RABEPK: variants seen among roughly 807,000 people sequenced by gnomAD.
RABEPK encodes Rab9 effector protein with kelch motifs, also known as 40 kDa Rab9 effector protein.
In RABEPK, 27 loss-of-function variants were observed where a neutral mutation model predicts 34.1. That is an observed-to-expected ratio of 0.79 (90% CI 0.58 to 1.09). The LOEUF is 1.09. Among genes scored for constraint, RABEPK ranks in the 50% least tolerant of loss-of-function variants. The pLI is 0.00. For synonymous variants in RABEPK, 172 were observed against 169.2 expected (o/e 1.02, Z -0.13); for missense variants, 449 against 462.6 (o/e 0.97, Z 0.27).
chr9:125,229,261 A>C (rs546769293), intron 6 of RABEPK, among the ~76,000 whole-genome samples: 1 of 150,748 alleles, frequency 6.6e-6, no homozygotes, highest in Non-Finnish European at 1.5e-5. Context: ...CTCCAAAAAA[A>C]AAAGAAAAAA....
intron 3 of RABEPK, among the ~76,000 whole-genome samples, chr9:125,210,451 G>A (rs1830513663): frequency 6.8e-6 from 1 of 147,286 alleles, no homozygotes; most frequent in Non-Finnish European, 1.5e-5. Context: ...TGGGCGTGGT[G>A]ACTCACGCCT....
At chr9:125,220,351 C>T in intron 4 of RABEPK, 188 bp from the exon 5 acceptor site, 1 of 1,447,064 alleles carries the variant, frequency 6.9e-7, no homozygotes, top group South Asian at 1.6e-5. Flanking sequence ...GGATTTTGGA[C>T]TGTCTTGGCA....
chr9:125,216,681 G>A (rs891782199), intron 4 of RABEPK, among the ~76,000 whole-genome samples: 7 of 152,130 alleles, frequency 4.6e-5, no homozygotes, highest in Admixed American at 1.3e-4. Context: ...AAGTAGACAC[G>A]GCCGGGCATG....
intron 4 of RABEPK, among the ~76,000 whole-genome samples, chr9:125,216,916 G>A (rs1327665923): frequency 3.3e-5 from 5 of 150,564 alleles, no homozygotes; most frequent in Non-Finnish European, 4.4e-5. Context: ...GCAGTGAGCC[G>A]AGATCGCGCC....
chr9:125,232,878 C>A, intron 7 of RABEPK, 133 bp downstream of exon 7: 1 of 833,974 alleles, frequency 1.2e-6, no homozygotes, highest in African/African-American at 1.8e-5. Context: ...GAGATCGAGA[C>A]CATCCTGACC....
At chr9:125,211,896 G>A (rs539343169) in intron 3 of RABEPK, among the ~76,000 whole-genome samples, 1 of 152,188 alleles carries the variant, frequency 6.6e-6, no homozygotes, top group East Asian at 1.9e-4. Context: ...TTGAACCTGG[G>A]AGGCAGAGGT....
At chr9:125,220,188 TG>T in intron 4 of RABEPK, 1 of 636,536 alleles carries the variant, frequency 1.6e-6, no homozygotes, top group Non-Finnish European at 2.3e-6. Context: ...TTAGTAGAGA[TG>T]GGGTTTTACC....
intron 5 of RABEPK, among the ~76,000 whole-genome samples, chr9:125,225,305 A>G (rs1320776075): frequency 6.6e-6 from 1 of 152,084 alleles, no homozygotes; most frequent in African/African-American, 2.4e-5. Flanking sequence ...GAATTGCTTG[A>G]ACCTGCGAGG....
At chr9:125,207,480 T>G in intron 2 of RABEPK, 84 bp from the exon 3 acceptor site, 1 of 1,424,724 alleles carries the variant, frequency 7.0e-7, no homozygotes, top group Non-Finnish European at 9.8e-7. Context: ...TTCATTCTGG[T>G]GAATATTTCA....
At chr9:125,227,829 G>A in intron 5 of RABEPK, 81 bp from the exon 6 acceptor site, 1 of 1,363,496 alleles carries the variant, frequency 7.3e-7, no homozygotes, top group Non-Finnish European at 9.8e-7. Context: ...TTGCTAGGAG[G>A]TGCTACAGAG....
rs1353152793 is a variant in RABEPK, at chr9:125,213,546, T to A, written c.364+24T>A. On this transcript the variant is annotated intron_variant, in intron 4 of 7. Coordinates refer to ENST00000373538, the MANE Select transcript of RABEPK (RefSeq NM_005833.4). ...TGGTAAGTAGCCAAAGGTTATTTTA[T>A]TTACGTACATACAAATAAACTTTCA... 6 of 1,598,660 alleles carry A rather than the reference T, an allele frequency of 3.8e-6. No homozygotes were observed. The African/African-American group carries it at 6.7e-5, about 18-fold the overall frequency.
At chr9:125,202,041 T>C (rs1388665170) in intron 1 of RABEPK, among the ~76,000 whole-genome samples, 1 of 147,356 alleles carries the variant, frequency 6.8e-6, no homozygotes, top group Non-Finnish European at 1.5e-5. Flanking sequence ...TGAAACCCCA[T>C]CCCTACGAAA....
intron 6 of RABEPK, among the ~76,000 whole-genome samples, chr9:125,228,645 C>CA (rs1831946161): frequency 7.3e-6 from 1 of 137,472 alleles, no homozygotes; most frequent in Non-Finnish European, 1.5e-5. Flanking sequence ...GGCCACAGAG[C>CA]AAGACTCCAT....
At chr9:125,202,547 A>G (rs1260618263) in intron 1 of RABEPK, among the ~76,000 whole-genome samples, 2 of 149,960 alleles carry the variant, frequency 1.3e-5, no homozygotes, top group African/African-American at 4.9e-5. Context: ...ATAAATACAT[A>G]GGCCAGGCAC....
chr9:125,220,323 A>G (rs1831234317), intron 4 of RABEPK: 1 of 1,441,002 alleles, frequency 6.9e-7, no homozygotes, highest in Non-Finnish European at 9.1e-7. Context: ...TCTTGTGCTT[A>G]CAGCTTTTAA....
chr9:125,209,391 C>T (rs1336743705), intron 3 of RABEPK, among the ~76,000 whole-genome samples: 2 of 151,132 alleles, frequency 1.3e-5, no homozygotes, highest in African/African-American at 4.9e-5. Flanking sequence ...GCTCTGTCAC[C>T]CAGGCTGGAG....
intron 4 of RABEPK, among the ~76,000 whole-genome samples, chr9:125,217,603 C>T (rs1831011342): frequency 6.6e-6 from 1 of 152,044 alleles, no homozygotes; most frequent in Non-Finnish European, 1.5e-5. Flanking sequence ...CTATCATATC[C>T]CTTTTCTCTC....
chr9:125,213,481 A>C lies in RABEPK; in HGVS notation c.323A>C (p.Asn108Thr). 1 of 1,614,046 alleles carries C rather than the reference A, an allele frequency of 6.2e-7. No homozygotes were observed. Among genetic ancestry groups the C allele is most frequent in the Non-Finnish European group, 8.5e-7 (1 of 1,180,006 alleles). The change falls in exon 4 of 8, where the codon AAC becomes ACC. Residue 108 changes from asparagine to threonine, a missense_variant. By Grantham distance (65) the Asn-to-Thr change is moderately conservative. Coordinates refer to ENST00000373538, the MANE Select transcript of RABEPK (RefSeq NM_005833.4). ...PDRIWVFGGANQSGNRNCLQV... is the reference protein window; with the variant it reads ...PDRIWVFGGATQSGNRNCLQV... ...CGTATCTGGGTATTTGGAGGTGCCAACCAATCAGGAAATCGAAATTGTCTA... is the reference window on the plus strand; with the variant it reads ...CGTATCTGGGTATTTGGAGGTGCCACCCAATCAGGAAATCGAAATTGTCTA...
rs533607870 is a variant in RABEPK, at chr9:125,202,970, A to G, written c.-6-38A>G. ...GGTTGAATTGATTAAGATGATAATC[A>G]TAAGTGTCTAAAAAGTGCCTTTCTT... On this transcript the variant is annotated intron_variant, in intron 1 of 7. Transcript: ENST00000373538. The G allele has an allele frequency of 2.2e-5, 34 of 1,555,364 alleles. No homozygotes were observed. In the East Asian group the frequency reaches 3.8e-4, roughly 17 times the overall value.
Sources: gnomAD v4.1 joint callset for allele counts (sites outside exome capture counted in the v4.1 genomes callset) on GRCh38, gnomAD v4.1.1 for gene constraint, MANE v1.5 for transcripts, NCBI Gene and HGNC (gene_info 2026-07-23, HGNC 2026-07-21) for gene names.